HERC4: variants seen among roughly 807,000 people sequenced by gnomAD.
HERC4 encodes probable E3 ubiquitin-protein ligase HERC4.
HERC4 carries 28 observed loss-of-function variants against 124.3 expected under a neutral mutation model. That is an observed-to-expected ratio of 0.23 (90% CI 0.17 to 0.31). HERC4 has a LOEUF of 0.31. HERC4 is among the 10% of genes least tolerant of loss of function. The pLI is 1.00. For synonymous variants in HERC4, 407 were observed against 421.5 expected, an observed-to-expected ratio of 0.97 and a Z score of 0.42; for missense variants, 713 against 1,229.3, an observed-to-expected ratio of 0.58 and a Z score of 6.28.
At chr10:68,028,979 T>C (rs146588699) in intron 7 of HERC4, among the ~76,000 whole-genome samples, 2 of 152,128 alleles carry the variant, frequency 1.3e-5, no homozygotes, top group Non-Finnish European at 2.9e-5. Flanking sequence ...CAGACCAGCC[T>C]AGGCAATAAA....
In HERC4 at chr10:68,040,459, T is replaced by C. The variant is rs1455912291; in HGVS notation, c.387-2290A>G. On this transcript the variant is annotated intron_variant, in intron 4 of 24. Transcript: ENST00000373700. The stretch of plus-strand genomic sequence containing the variant: ...GTAAAACAAGGCTTCCCATGTTCCA[T>C]TTTTTCTAAAGAGATAAATTAGAAA... 6.1e-6 allele frequency: 5 copies of C among 816,008 alleles called. No homozygotes were observed. The East Asian group carries it at 6.2e-4, about 102-fold the overall frequency. 50.5% of individuals were successfully genotyped at this position (816,008 alleles called of 1,614,324 possible).
chr10:67,933,390 C>T (rs1365155626), intron 22 of HERC4, among the ~76,000 whole-genome samples: 1 of 152,014 alleles, frequency 6.6e-6, no homozygotes, highest in East Asian at 1.9e-4. Flanking sequence ...TGATACAAAA[C>T]GAAACTGTAA....
intron 3 of HERC4, among the ~76,000 whole-genome samples, chr10:68,059,183 C>A (rs2040703975): frequency 1.3e-5 from 2 of 151,672 alleles, no homozygotes; most frequent in Admixed American, 6.6e-5. Context: ...CTAGCTTTTT[C>A]TTTTTCCATA....
chr10:67,999,972 T>C (rs2037127474), intron 9 of HERC4, among the ~76,000 whole-genome samples: 1 of 152,210 alleles, frequency 6.6e-6, no homozygotes, highest in South Asian at 2.1e-4. Flanking sequence ...CAAAGACTTA[T>C]CTGAAGTGTT....
At chr10:67,973,423 C>T (rs559173588) in intron 15 of HERC4, among the ~76,000 whole-genome samples, 34 of 152,148 alleles carry the variant, frequency 2.2e-4, no homozygotes, top group Non-Finnish European at 4.7e-4. Context: ...GGCCCAATCC[C>T]GTAGGAATTA....
intron 3 of HERC4, among the ~76,000 whole-genome samples, chr10:68,051,065 C>A: frequency 6.8e-6 from 1 of 146,632 alleles, no homozygotes. Context: ...GGGATTAAAC[C>A]ACATCAATTG....
At chr10:67,931,996 TG>T (rs2031863945) in intron 23 of HERC4, among the ~76,000 whole-genome samples, 1 of 152,154 alleles carries the variant, frequency 6.6e-6, no homozygotes, top group Admixed American at 6.5e-5. Flanking sequence ...CTTGCTCTGC[TG>T]CCCAGGGTGG....
intron 15 of HERC4, among the ~76,000 whole-genome samples, chr10:67,986,528 TG>T (rs2132706896): frequency 6.6e-6 from 1 of 152,172 alleles, no homozygotes; most frequent in African/African-American, 2.4e-5. Context: ...AATTTTTTTT[TG>T]TATTTTTAGT....
rs1409705104 is a variant in HERC4, at chr10:68,063,085, G to A, written c.226+9798C>T. 2.6e-5 allele frequency among the ~76,000 whole-genome samples: 4 copies of A among 152,076 alleles called. No individual in the cohort carries two copies. The South Asian group carries it at 8.3e-4, about 32-fold the overall frequency. On this transcript the variant is annotated intron_variant, in intron 3 of 24. Transcript: ENST00000373700. ...CACAGCACTCTTGTTTATACATCCT[G>A]TAACACTTAGCATATTTTAATTGCC...
chr10:68,069,250 C>T lies in HERC4; in HGVS notation c.226+3633G>A, dbSNP rs768059455. ...AATTCATTTAAATGGATTGGTCTAG[C>T]GCACTGAAGATTAAATATATTTGTT... On this transcript the variant is annotated intron_variant, in intron 3 of 24. Transcript: ENST00000373700. 87 of 950,296 alleles carry T rather than the reference C, an allele frequency of 9.2e-5. No individual in the cohort carries two copies. The Middle Eastern group carries it at 2.2e-3, about 23-fold the overall frequency. 58.9% of individuals were successfully genotyped at this position (950,296 alleles called of 1,614,324 possible). A position where few individuals can be genotyped will look rare whatever the true frequency, so the allele number is the denominator to read the frequency against.
chr10:68,032,633 T>C, intron 7 of HERC4, 145 bp downstream of exon 7: 2 of 554,244 alleles, frequency 3.6e-6, no homozygotes, highest in Non-Finnish European at 6.5e-6. Flanking sequence ...TTTTCAAGAA[T>C]AATCTAAGTC....
At chr10:68,013,234 GACT>G (rs1383218562) in intron 9 of HERC4, among the ~76,000 whole-genome samples, 3 of 152,178 alleles carry the variant, frequency 2.0e-5, no homozygotes, top group African/African-American at 7.2e-5. Flanking sequence ...ACACTTAGTA[GACT>G]ACAATATAGT....
chr10:67,997,327 T>C, intron 9 of HERC4, among the ~76,000 whole-genome samples: 1 of 152,332 alleles, frequency 6.6e-6, no homozygotes, highest in South Asian at 2.1e-4. Context: ...ATGCTTTATG[T>C]TGTCTTTATT....
Position 67,968,244 on chromosome 10 carries a change from TC to T in HERC4, c.1807-1443del, listed in dbSNP as rs983947103. Among the ~76,000 whole-genome samples, 43 of 151,352 alleles carry T rather than the reference TC, an allele frequency of 2.8e-4. 1 individual carries two copies. The highest frequency in any genetic ancestry group is 1.0e-3 in the African/African-American group (42 of 41,190). On this transcript the variant is annotated intron_variant, in intron 15 of 24. Transcript: ENST00000373700. ...GAAGCCCCAAAATCTATGTGCAAAT[TC>T]CCCCCACATCCTTGGCTAACTCTAA...
chr10:67,931,126 A>C (rs141240429), intron 23 of HERC4, among the ~76,000 whole-genome samples: 1,637 of 151,454 alleles, frequency 0.011, 30 homozygotes, highest in African/African-American at 0.038. Context: ...TTGGGACTAT[A>C]GGCGTGCGAC....
intron 9 of HERC4, among the ~76,000 whole-genome samples, chr10:68,011,944 G>A (rs750805244): frequency 1.6e-4 from 25 of 152,162 alleles, no homozygotes; most frequent in Non-Finnish European, 2.9e-4. Context: ...ACCCACCTTC[G>A]TCAATTACCT....
intron 16 of HERC4, among the ~76,000 whole-genome samples, chr10:67,964,091 A>ATTTTT (rs11327388): frequency 3.1e-5 from 4 of 129,250 alleles, no homozygotes; most frequent in Non-Finnish European, 4.8e-5. Context: ...CTACCACTCC[A>ATTTTT]TTTTTTTTTT....
intron 15 of HERC4, among the ~76,000 whole-genome samples, chr10:67,973,576 G>A (rs747605825): frequency 6.6e-5 from 10 of 152,076 alleles, no homozygotes; most frequent in South Asian, 2.1e-4. Flanking sequence ...AATATTATTC[G>A]GCTGAGAGAG....
At chr10:68,020,768 CA>C (rs149936767) in intron 8 of HERC4, among the ~76,000 whole-genome samples, 27,330 of 88,296 alleles carry the variant, frequency 0.31, 2,453 homozygotes, top group East Asian at 0.48. Flanking sequence ...GACTCCGTCT[CA>C]AAAAAAAAAA....
Sources: allele counts gnomAD v4.1 joint callset (sites outside exome capture counted in the v4.1 genomes callset), GRCh38; gene constraint gnomAD v4.1.1; transcripts MANE v1.5; gene names NCBI Gene and HGNC (gene_info 2026-07-23, HGNC 2026-07-21).